Variants in TBC1D5 observed in about 807,000 individuals in gnomAD.
TBC1D5 encodes TBC1 domain family member 5.
A neutral mutation model predicts 100.3 loss-of-function variants in TBC1D5; 75 were observed. The ratio of observed to expected loss-of-function variants is 0.75; its 90% CI spans 0.62 to 0.91. The LOEUF is 0.91. TBC1D5 is among the 40% of genes least tolerant of loss of function. The pLI is 0.00. For synonymous variants in TBC1D5, 323 were observed against 325.6 expected (o/e 0.99, Z 0.09); for missense variants, 910 against 942.4 (o/e 0.97, Z 0.45).
intron 1 of TBC1D5, among the ~76,000 whole-genome samples, chr3:17,652,409 A>T (rs1280172223): frequency 6.6e-6 from 1 of 152,204 alleles, no homozygotes; most frequent in African/African-American, 2.4e-5. Flanking sequence ...ATTTAAAAGT[A>T]TAAAATGCTT....
At chr3:17,160,560 A>G (rs1446078526) in exon 22 of TBC1D5, 1 of 171,230 alleles carries the variant, frequency 5.8e-6, no homozygotes, top group East Asian at 1.5e-4. Context: ...AAGATACGAA[A>G]ATAACTATTT....
rs1476167289 is a variant in TBC1D5 at position 17,372,261 on chromosome 3, A to C, written c.823-14T>G. The C allele has an allele frequency of 4.4e-6, 7 of 1,594,010 alleles. No individual in the cohort carries two copies. Among genetic ancestry groups the C allele is most frequent in the Non-Finnish European group, 6.0e-6 (7 of 1,170,404 alleles). On this transcript the variant is annotated splice_polypyrimidine_tract_variant and intron_variant, in intron 12 of 21. Coordinates refer to ENST00000253692, the Ensembl canonical transcript of TBC1D5. ...TGTTTCTTTCCCCTAAAAACAGAAA[A>C]ATTGAACATGTATTATTTAAATATG... is the stretch of plus-strand genomic sequence containing the variant.
At chr3:17,633,033 C>T (rs948901931) in intron 1 of TBC1D5, among the ~76,000 whole-genome samples, 1 of 152,012 alleles carries the variant, frequency 6.6e-6, no homozygotes, top group Non-Finnish European at 1.5e-5. Flanking sequence ...ATATTCTTTC[C>T]TTCTTCCTAA....
intron 13 of TBC1D5, among the ~76,000 whole-genome samples, chr3:17,341,109 T>C (rs1240173928): frequency 6.6e-6 from 1 of 152,192 alleles, no homozygotes; most frequent in African/African-American, 2.4e-5. Context: ...TATAAAACAA[T>C]CTGTCTTGCT....
chr3:17,555,287 A>C (rs1199241436), intron 2 of TBC1D5, among the ~76,000 whole-genome samples: 1 of 152,230 alleles, frequency 6.6e-6, no homozygotes, highest in Admixed American at 6.5e-5. Context: ...CACAGCCTCA[A>C]GAGGTCCTAA....
chr3:17,320,739 T>C (rs1339572827), intron 13 of TBC1D5, among the ~76,000 whole-genome samples: 1 of 152,238 alleles, frequency 6.6e-6, no homozygotes, highest in Non-Finnish European at 1.5e-5. Flanking sequence ...AAAAGCTAGT[T>C]AGTTCTCAAA....
chr3:17,428,991 G>C (rs542171594), intron 3 of TBC1D5, among the ~76,000 whole-genome samples: 4 of 152,020 alleles, frequency 2.6e-5, no homozygotes, highest in Admixed American at 6.6e-5. Flanking sequence ...GCCAACTTGA[G>C]AGGTAGTGAT....
intron 2 of TBC1D5, among the ~76,000 whole-genome samples, chr3:17,531,817 T>A (rs564205137): frequency 6.6e-6 from 1 of 152,106 alleles, no homozygotes; most frequent in Non-Finnish European, 1.5e-5. Context: ...TTCCTTACAC[T>A]TTATACAAAA....
intron 3 of TBC1D5, among the ~76,000 whole-genome samples, chr3:17,481,641 G>A (rs1490918471): frequency 6.6e-6 from 1 of 152,214 alleles, no homozygotes; most frequent in Non-Finnish European, 1.5e-5. Flanking sequence ...AATTAACAAT[G>A]CCACTCTTCG....
intron 1 of TBC1D5, among the ~76,000 whole-genome samples, chr3:17,674,179 A>G (rs2068329860): frequency 1.3e-5 from 2 of 152,188 alleles, no homozygotes; most frequent in South Asian, 4.1e-4. Flanking sequence ...CACAAGTACA[A>G]GTTTTTCCAT....
In TBC1D5 at chr3:17,601,372, G is replaced by C. The variant is rs530452135; in HGVS notation, c.-36+22477C>G. Among the ~76,000 whole-genome samples the C allele has an allele frequency of 3.8e-4, 58 of 152,292 alleles. 1 individual carries two copies. Among genetic ancestry groups the C allele is most frequent in the African/African-American group, 1.4e-3 (57 of 41,570 alleles). ...CTAAAAAATACAAAATTAGCCGGGC[G>C]TGGTGGCACATGCCTGTAATCCCAG... On this transcript the variant is annotated intron_variant, in intron 2 of 21. Coordinates refer to ENST00000253692, the Ensembl canonical transcript of TBC1D5.
chr3:17,542,268 G>A (rs1165735592), intron 2 of TBC1D5, among the ~76,000 whole-genome samples: 1 of 152,094 alleles, frequency 6.6e-6, no homozygotes, highest in Admixed American at 6.6e-5. Flanking sequence ...TCCAGCCTGG[G>A]CAACAGAGCA....
chr3:17,616,675 C>T (rs948128948), intron 2 of TBC1D5, among the ~76,000 whole-genome samples: 4 of 151,974 alleles, frequency 2.6e-5, no homozygotes, highest in Admixed American at 6.6e-5. Flanking sequence ...TCTTTATTGG[C>T]TTATAGTCTG....
intron 13 of TBC1D5, among the ~76,000 whole-genome samples, chr3:17,328,370 G>A (rs1375798969): frequency 2.6e-5 from 4 of 151,928 alleles, no homozygotes; most frequent in African/African-American, 9.7e-5. Flanking sequence ...CCATCACCAA[G>A]AATTCCTCTC....
intron 2 of TBC1D5, among the ~76,000 whole-genome samples, chr3:17,575,488 G>A (rs2096652185): frequency 6.6e-6 from 1 of 151,848 alleles, no homozygotes; most frequent in Admixed American, 6.6e-5. Flanking sequence ...GTATTTCAGG[G>A]GCTAGAAGGC....
At chr3:17,217,657 A>T (rs182265026) in intron 17 of TBC1D5, among the ~76,000 whole-genome samples, 183 of 152,152 alleles carry the variant, frequency 1.2e-3, no homozygotes, top group African/African-American at 4.0e-3. Context: ...TGCTTATTAG[A>T]CACTCATCTT....
At chr3:17,399,165 T>C (rs922363161) in intron 8 of TBC1D5, among the ~76,000 whole-genome samples, 11 of 152,118 alleles carry the variant, frequency 7.2e-5, no homozygotes, top group East Asian at 3.9e-4. Context: ...GAACTGGGTA[T>C]GTATTAGAGA....
intron 2 of TBC1D5, among the ~76,000 whole-genome samples, chr3:17,579,692 A>C (rs2096680969): frequency 6.6e-6 from 1 of 152,164 alleles, no homozygotes; most frequent in African/African-American, 2.4e-5. Flanking sequence ...ACATCATCCA[A>C]TTTAAAAAGC....
chr3:17,315,388 G>A (rs2084566166), intron 13 of TBC1D5, among the ~76,000 whole-genome samples: 1 of 152,204 alleles, frequency 6.6e-6, no homozygotes, highest in Non-Finnish European at 1.5e-5. Context: ...AGGCCCAAAA[G>A]GGCATTTGCC....
Sources: gnomAD v4.1 joint callset for allele counts (sites outside exome capture counted in the v4.1 genomes callset) on GRCh38, gnomAD v4.1.1 for gene constraint, MANE v1.5 for transcripts, NCBI Gene and HGNC (gene_info 2026-07-23, HGNC 2026-07-21) for gene names.